CTIF: variants seen among roughly 807,000 people sequenced by gnomAD.
CTIF encodes cap binding complex dependent translation initiation factor.
In CTIF, 21 loss-of-function variants were observed where a neutral mutation model predicts 66.0. The ratio of observed to expected loss-of-function variants is 0.32; its 90% confidence interval spans 0.23 to 0.46. CTIF has a LOEUF of 0.46. Ranked by LOEUF, CTIF falls within the 20% of genes least tolerant of loss-of-function variation. CTIF has a pLI of 1.00. For synonymous variants in CTIF, 345 were observed against 326.4 expected (o/e 1.06, Z -0.62); for missense variants, 739 against 812.7 (o/e 0.91, Z 1.10).
intron 1 of CTIF, among the ~76,000 whole-genome samples, chr18:48,606,947 A>G (rs2090212499): frequency 6.6e-6 from 1 of 152,228 alleles, no homozygotes; most frequent in Non-Finnish European, 1.5e-5. Context: ...TAAATTCTCA[A>G]TAAACACAGG....
chr18:48,611,902 A>G (rs1483482179), intron 1 of CTIF, among the ~76,000 whole-genome samples: 1 of 152,220 alleles, frequency 6.6e-6, no homozygotes, highest in Admixed American at 6.5e-5. Context: ...CCACCATGCT[A>G]GCTAACACCC....
At chr18:48,636,577 G>C in intron 2 of CTIF, 37 bp from the exon 3 acceptor site, 1 of 1,476,552 alleles carries the variant, frequency 6.8e-7, no homozygotes, top group Non-Finnish European at 9.0e-7. Context: ...GGGCCTGGCT[G>C]TCCTGCCGTC....
chr18:48,689,318 A>G (rs1256296656), intron 6 of CTIF, among the ~76,000 whole-genome samples: 3 of 152,362 alleles, frequency 2.0e-5, no homozygotes, highest in South Asian at 2.1e-4. Flanking sequence ...TGTCATAAAA[A>G]TAACTCAAAT....
intron 9 of CTIF, among the ~76,000 whole-genome samples, chr18:48,788,536 G>A (rs1432034612): frequency 6.6e-6 from 1 of 152,082 alleles, no homozygotes; most frequent in Non-Finnish European, 1.5e-5. Flanking sequence ...CACACCACCT[G>A]AAGCATTTTT....
intron 9 of CTIF, among the ~76,000 whole-genome samples, chr18:48,782,251 G>T (rs746720279): frequency 1.3e-5 from 2 of 151,686 alleles, no homozygotes; most frequent in Non-Finnish European, 2.9e-5. Flanking sequence ...CCTGGGTTGG[G>T]CATGGACTTC....
intron 3 of CTIF, among the ~76,000 whole-genome samples, chr18:48,654,057 T>C (rs1323444912): frequency 6.6e-6 from 1 of 152,142 alleles, no homozygotes; most frequent in Non-Finnish European, 1.5e-5. Flanking sequence ...ATTCAGGACA[T>C]AGGCATGGGC....
intron 2 of CTIF, among the ~76,000 whole-genome samples, chr18:48,621,262 G>A (rs969852135): frequency 3.5e-5 from 5 of 142,482 alleles, no homozygotes; most frequent in Admixed American, 6.9e-5. Flanking sequence ...TTTAAGTAGC[G>A]TAGTCAGGGA....
intron 6 of CTIF, among the ~76,000 whole-genome samples, chr18:48,691,065 G>A (rs1292326907): frequency 6.6e-6 from 1 of 152,112 alleles, no homozygotes; most frequent in Non-Finnish European, 1.5e-5. Flanking sequence ...TCTTCCTTCG[G>A]TATTTTTATA....
At chr18:48,674,790 C>T (rs1034423414) in intron 6 of CTIF, among the ~76,000 whole-genome samples, 2 of 152,164 alleles carry the variant, frequency 1.3e-5, no homozygotes, top group African/African-American at 4.8e-5. Flanking sequence ...CCCCTGCTGC[C>T]AGGAATAGTT....
intron 1 of CTIF, among the ~76,000 whole-genome samples, chr18:48,615,434 G>A (rs772610820): frequency 1.3e-5 from 2 of 152,140 alleles, no homozygotes; most frequent in East Asian, 1.9e-4. Flanking sequence ...GCCCCGCTGC[G>A]GAACAGGGAA....
In CTIF at chr18:48,592,648, C is replaced by T. The variant is rs372212069; in HGVS notation, c.-28-26890C>T. Reference sequence around the variant, plus strand: ...GTGCAGTGAGTGGATTAATAACCAGCGCGAGCCTGCCTCGGCCACTGTCAT... The same window carrying T: ...GTGCAGTGAGTGGATTAATAACCAGTGCGAGCCTGCCTCGGCCACTGTCAT... On this transcript the variant is annotated intron_variant, in intron 1 of 11. Coordinates refer to ENST00000256413, the MANE Select transcript of CTIF (RefSeq NM_014772.3). 2.4e-3 allele frequency among the ~76,000 whole-genome samples: 361 copies of T among 152,318 alleles called. 2 individuals are homozygous for T. Among genetic ancestry groups the T allele is most frequent in the African/African-American group, 8.0e-3 (334 of 41,576 alleles).
intron 1 of CTIF, among the ~76,000 whole-genome samples, chr18:48,540,781 C>T (rs1367877727): frequency 6.6e-6 from 1 of 152,038 alleles, no homozygotes; most frequent in Non-Finnish European, 1.5e-5. Context: ...AAGCGTGGGC[C>T]CCGATCCTCC....
intron 1 of CTIF, among the ~76,000 whole-genome samples, chr18:48,573,988 G>T (rs183913109): frequency 6.6e-6 from 1 of 152,342 alleles, no homozygotes; most frequent in South Asian, 2.1e-4. Context: ...GGCCATACAG[G>T]TCACCTTCCA....
chr18:48,860,568 G>A lies in CTIF; in HGVS notation c.*1009G>A, dbSNP rs1317773830. The A allele has an allele frequency of 6.5e-6, 1 of 153,016 alleles. No homozygotes were observed. Among genetic ancestry groups the A allele is most frequent in the African/African-American group, 2.4e-5 (1 of 41,452 alleles). 9.5% of individuals were successfully genotyped at this position (153,016 alleles called of 1,614,324 possible). A position where few individuals can be genotyped will look rare whatever the true frequency, so the allele number is the denominator to read the frequency against. On this transcript the variant is annotated 3_prime_UTR_variant, in exon 12 of 12. Transcript: ENST00000256413. ...CAAGTTAAACCTGGTCCTGGCCCCA[G>A]GGGCCTTGTGGCAAACAGGGCACAG...
At chr18:48,806,787 C>T (rs1013897669) in intron 9 of CTIF, among the ~76,000 whole-genome samples, 11 of 152,182 alleles carry the variant, frequency 7.2e-5, no homozygotes, top group African/African-American at 2.4e-4. Context: ...GAAGAATTTC[C>T]CAGAATGCCT....
At chr18:48,786,746 C>T (rs78392802) in intron 9 of CTIF, among the ~76,000 whole-genome samples, 14 of 152,276 alleles carry the variant, frequency 9.2e-5, no homozygotes, top group African/African-American at 3.4e-4. Context: ...GGAGTCCACA[C>T]CTGGAACTTC....
intron 3 of CTIF, among the ~76,000 whole-genome samples, chr18:48,655,318 A>G (rs12962135): frequency 0.59 from 82,203 of 139,144 alleles, 26,954 homozygotes; most frequent in East Asian, 0.85. Context: ...AAAAAAAAAA[A>G]AAGAAGAATA....
At chr18:48,573,797 A>G (rs1374423871) in intron 1 of CTIF, among the ~76,000 whole-genome samples, 1 of 152,224 alleles carries the variant, frequency 6.6e-6, no homozygotes. Flanking sequence ...GCAGTGTGCC[A>G]TCACTGTGCG....
At chr18:48,609,701 G>A (rs79494610) in intron 1 of CTIF, among the ~76,000 whole-genome samples, 6,408 of 152,264 alleles carry the variant, frequency 0.042, 468 homozygotes, top group African/African-American at 0.15. Context: ...CTCCAGCCAG[G>A]GATATGGCTG....
Sources: allele counts gnomAD v4.1 joint callset (sites outside exome capture counted in the v4.1 genomes callset), GRCh38; gene constraint gnomAD v4.1.1; transcripts MANE v1.5; gene names NCBI Gene and HGNC (gene_info 2026-07-23, HGNC 2026-07-21).